Variants in TOMM20L observed in about 807,000 individuals in gnomAD.
The protein encoded by TOMM20L is translocase of outer mitochondrial membrane 20 like, also known as TOMM20-like protein 1.
A neutral mutation model predicts 20.4 loss-of-function variants in TOMM20L; 19 were observed. The observed-to-expected ratio is 0.93, with a 90% confidence interval of 0.65 to 1.36. The LOEUF (loss-of-function observed/expected upper bound fraction) is 1.36, where lower values mean the gene tolerates loss of function less well. Ranked by LOEUF, TOMM20L falls within the 40% of genes most tolerant of loss-of-function variation. The probability of loss-of-function intolerance (pLI) is 0.00; values close to 1 mark genes in which losing one functional copy is unlikely to be tolerated. For missense variants in TOMM20L, 218 were observed against 203.7 expected (o/e 1.07, Z -0.43); for synonymous variants, 75 against 79.6 (o/e 0.94, Z 0.30).
Position 58,395,969 on chromosome 14 carries a change from C to T in TOMM20L, c.12C>T (p.Val4=). MPS[V]RSLLRLLAAA... is the part of the protein sequence containing the mutation. The stretch of plus-strand genomic sequence containing the variant: ...ACGCCCGCGGTCGGATGCCCTCCGT[C>T]CGCTCCCTCCTCCGCCTCTTGGCCG... The change falls in exon 1 of 5, where the codon GTC becomes GTT. Residue 4 remains valine (V), a synonymous_variant. Transcript: ENST00000360945. The T allele has an allele frequency of 6.9e-7, 1 of 1,445,992 alleles. No individual in the cohort carries two copies. The highest frequency in any genetic ancestry group is 9.2e-7 in the Non-Finnish European group (1 of 1,092,320). 89.6% of individuals were successfully genotyped at this position (1,445,992 alleles called of 1,614,324 possible).
downstream of TOMM20L, among the ~76,000 whole-genome samples, chr14:58,413,502 T>G (rs542100166): frequency 6.6e-6 from 1 of 152,198 alleles, no homozygotes; most frequent in Non-Finnish European, 1.5e-5. Context: ...TCACAGAGAC[T>G]AATCAGAGAC....
chr14:58,402,518 CCT>C (rs1343360159), intron 2 of TOMM20L, among the ~76,000 whole-genome samples, 160 bp from the exon 3 acceptor site: 2 of 152,026 alleles, frequency 1.3e-5, no homozygotes, highest in East Asian at 3.9e-4. Flanking sequence ...GAACTCCCGA[CCT>C]CAGGTGATCT....
intron 4 of TOMM20L, 146 bp from the exon 5 acceptor site, chr14:58,408,383 C>G: frequency 1.5e-6 from 1 of 664,608 alleles, no homozygotes. Flanking sequence ...TGCCGTTGCA[C>G]TCCATCCTGG....
chr14:58,410,849 A>C (rs749601360), downstream of TOMM20L: 2 of 1,607,334 alleles, frequency 1.2e-6, no homozygotes, highest in Non-Finnish European at 1.7e-6. Flanking sequence ...ATACCTCTTC[A>C]GGTTTTACTT....
chr14:58,408,993 G>A (rs770213143), downstream of TOMM20L: 7 of 1,591,386 alleles, frequency 4.4e-6, no homozygotes, highest in East Asian at 1.1e-4. Context: ...TAAAGCAGCT[G>A]TTGGCAATCT....
rs1255671030 is a variant in TOMM20L, at chr14:58,404,097, A to G, written c.262+1336A>G. The stretch of plus-strand genomic sequence containing the variant: ...CAGTACAATGTATATATACATATAT[A>G]TGTATATATATATATATATATATTT... On this transcript the variant is annotated intron_variant, in intron 3 of 4. Coordinates refer to ENST00000360945, the MANE Select transcript of TOMM20L (RefSeq NM_207377.3). Among the ~76,000 whole-genome samples the G allele has an allele frequency of 4.5e-3, 32 of 7,040 alleles. 1 individual carries two copies. In the South Asian group the frequency reaches 0.086, roughly 19 times the overall value. 4.6% of individuals were successfully genotyped at this position (7,040 alleles called of 152,430 possible).
intron 2 of TOMM20L, 29 bp from the exon 3 acceptor site, chr14:58,402,651 C>T (rs113010564): frequency 6.5e-7 from 1 of 1,535,246 alleles, no homozygotes; most frequent in Admixed American, 1.7e-5. Flanking sequence ...CTTCATTACT[C>T]ATTGTTGAAT....
chr14:58,409,166 G>A (rs2036126533), downstream of TOMM20L: 1 of 1,610,164 alleles, frequency 6.2e-7, no homozygotes, highest in African/African-American at 1.3e-5. Context: ...CTGAACAGGT[G>A]GTCTAGGAAT....
At chr14:58,410,226 A>G (rs556557472), downstream of TOMM20L, among the ~76,000 whole-genome samples, 3 of 152,048 alleles carry the variant, frequency 2.0e-5, no homozygotes, top group East Asian at 3.9e-4. Context: ...ATGTACCAAC[A>G]TGTCTAGCTA....
At chr14:58,409,238 A>G, downstream of TOMM20L, 1 of 1,561,144 alleles carries the variant, frequency 6.4e-7, no homozygotes, top group Non-Finnish European at 8.7e-7. Flanking sequence ...ATGTATTCTA[A>G]AAGAATCAGT....
chr14:58,403,371 T>G (rs2036014480), intron 3 of TOMM20L, among the ~76,000 whole-genome samples: 1 of 151,880 alleles, frequency 6.6e-6, no homozygotes, highest in Non-Finnish European at 1.5e-5. Context: ...CAAAACAACT[T>G]TAAAAAATTC....
At position 58,403,206 on chromosome 14, in the gene TOMM20L, A is replaced by C. The variant is rs371757936; in HGVS notation, c.262+445A>C. 2.6e-5 allele frequency among the ~76,000 whole-genome samples: 4 copies of C among 152,278 alleles called. 1 individual carries two copies. ...ACCCTGTCTCTACAAAAAACTTTAA[A>C]AATTAGTTGGGTACCATGGCATGTG... On this transcript the variant is annotated intron_variant, in intron 3 of 4. Coordinates refer to ENST00000360945, the MANE Select transcript of TOMM20L (RefSeq NM_207377.3).
At chr14:58,405,122 C>T (rs575531847) in intron 3 of TOMM20L, among the ~76,000 whole-genome samples, 2 of 152,250 alleles carry the variant, frequency 1.3e-5, no homozygotes, top group East Asian at 1.9e-4. Flanking sequence ...GCGTGCACCA[C>T]CACGCCCAGC....
intron 3 of TOMM20L, among the ~76,000 whole-genome samples, chr14:58,405,080 G>GGCCTCA (rs1420619705): frequency 2.0e-5 from 3 of 151,130 alleles, no homozygotes. Context: ...GCGATTCTCC[G>GGCCTCA]GCCTCAGCCT....
Position 58,396,490 on chromosome 14 carries a change from C to G in TOMM20L, c.180+149C>G, listed in dbSNP as rs540271272. On this transcript the variant is annotated intron_variant, in intron 2 of 4. Transcript: ENST00000360945. ...AGGCCTGCCCTCGCGCGCCACGCAC[C>G]GCCTCAGGCCCAGTCACTCTCCTCT... 5.5e-5 allele frequency: 43 copies of G among 780,826 alleles called. No homozygotes were observed. In the East Asian group the frequency reaches 1.1e-3, roughly 20 times the overall value. 48.4% of individuals were successfully genotyped at this position (780,826 alleles called of 1,614,324 possible). A position where few individuals can be genotyped will look rare whatever the true frequency, so the allele number is the denominator to read the frequency against.
At chr14:58,414,036 A>AAAAG in the TOMM20L span, among the ~76,000 whole-genome samples, 74 of 144,302 alleles carry the variant, frequency 5.1e-4, no homozygotes, top group East Asian at 8.1e-4. Context: ...AAAAAAAAAA[A>AAAAG]GGTTTGTATA....
At chr14:58,404,090 C>CATATATATATATATAT (rs2036023608) in intron 3 of TOMM20L, among the ~76,000 whole-genome samples, 1 of 16,836 alleles carries the variant, frequency 5.9e-5, no homozygotes, top group African/African-American at 1.4e-4. Context: ...TGTATATATA[C>CATATATATATATATAT]ATATATATGT....
At chr14:58,411,035 C>A, downstream of TOMM20L, 1 of 780,554 alleles carries the variant, frequency 1.3e-6, no homozygotes, top group Non-Finnish European at 2.2e-6. Flanking sequence ...ACAAAATATA[C>A]TATAACACTT....
At chr14:58,407,249 G>T (rs1350731832) in intron 3 of TOMM20L, 77 bp from the exon 4 acceptor site, 12 of 1,414,110 alleles carry the variant, frequency 8.5e-6, no homozygotes, top group Non-Finnish European at 1.1e-5. Context: ...TTTAATGCTT[G>T]TTGCTTTCTT....
Sources: gnomAD v4.1 joint callset for allele counts (sites outside exome capture counted in the v4.1 genomes callset) on GRCh38, gnomAD v4.1.1 for gene constraint, MANE v1.5 for transcripts, NCBI Gene and HGNC (gene_info 2026-07-23, HGNC 2026-07-21) for gene names.